Variants in ZC3H7A observed in about 807,000 individuals in gnomAD.
ZC3H7A encodes zinc finger CCCH-type containing 7A.
A neutral mutation model predicts 125.5 loss-of-function variants in ZC3H7A; 44 were observed. That is an observed-to-expected ratio of 0.35 (90% CI 0.28 to 0.45). The LOEUF is 0.45. ZC3H7A is among the 20% of genes least tolerant of loss of function. The pLI is 1.00. For synonymous variants in ZC3H7A, 399 were observed against 391.2 expected (o/e 1.02, Z -0.23); for missense variants, 977 against 1,170.7 (o/e 0.83, Z 2.41).
chr16:11,774,734 C>G (rs943232322), intron 8 of ZC3H7A, among the ~76,000 whole-genome samples: 2 of 152,142 alleles, frequency 1.3e-5, no homozygotes, highest in African/African-American at 2.4e-5. Context: ...TTGGGCACAG[C>G]TATCAGACAG....
chr16:11,769,525 T>C (rs2052932372), intron 10 of ZC3H7A, among the ~76,000 whole-genome samples: 2 of 151,314 alleles, frequency 1.3e-5, no homozygotes, highest in South Asian at 2.1e-4. Flanking sequence ...CTGGCCAACA[T>C]GGTGAAACCC....
intron 4 of ZC3H7A, among the ~76,000 whole-genome samples, chr16:11,778,104 G>C (rs761117358): frequency 2.9e-4 from 44 of 151,426 alleles, no homozygotes; most frequent in Non-Finnish European, 6.0e-4. Flanking sequence ...TGAAAATCTA[G>C]TGTGAATTCC....
At chr16:11,760,114 GAAAAAATGAAAAAAAA>G (rs1342073397) in intron 19 of ZC3H7A, among the ~76,000 whole-genome samples, 1 of 12,470 alleles carries the variant, frequency 8.0e-5, no homozygotes, top group Non-Finnish European at 1.5e-4. Flanking sequence ...GACAGAGCAA[GAAAAAATGAAAAAAAA>G]AAAAAAAAAA....
intron 1 of ZC3H7A, among the ~76,000 whole-genome samples, chr16:11,787,163 G>C (rs2053268796): frequency 6.6e-6 from 1 of 152,096 alleles, no homozygotes; most frequent in African/African-American, 2.4e-5. Context: ...TAAGCCAGGT[G>C]TGGTGGTACG....
rs1597536767 is a variant in ZC3H7A, at chr16:11,758,773, A to G, written c.2320-234T>C. On this transcript the variant is annotated intron_variant, in intron 19 of 22. Coordinates refer to ENST00000355758, the MANE Select transcript of ZC3H7A (RefSeq NM_014153.4). Reference sequence around the variant, plus strand: ...GAAAATGTCCAAAACAGAGTAAAGCATGGAACATTTTCTTACAAGAAAATG... The same window carrying G: ...GAAAATGTCCAAAACAGAGTAAAGCGTGGAACATTTTCTTACAAGAAAATG... 8.9e-6 allele frequency: 4 copies of G among 447,122 alleles called. No individual in the cohort carries two copies. In the East Asian group the frequency reaches 1.4e-4, roughly 16 times the overall value. 27.7% of individuals were successfully genotyped at this position (447,122 alleles called of 1,614,324 possible). A position where few individuals can be genotyped will look rare whatever the true frequency, so the allele number is the denominator to read the frequency against.
chr16:11,768,991 A>G (rs527279767), intron 11 of ZC3H7A, 40 bp downstream of exon 11: 2 of 1,560,654 alleles, frequency 1.3e-6, no homozygotes, highest in African/African-American at 1.4e-5. Context: ...ACTATTTTCA[A>G]TTCAAGCGAT....
Position 11,781,470 on chromosome 16 carries a change from A to G in ZC3H7A, c.69-6T>C, listed in dbSNP as rs1364118513. The G allele has an allele frequency of 3.1e-6, 5 of 1,602,588 alleles. No individual in the cohort carries two copies. The highest frequency in any genetic ancestry group is 2.6e-6 in the Non-Finnish European group (3 of 1,172,136). On this transcript the variant is annotated splice_polypyrimidine_tract_variant and splice_region_variant and intron_variant, in intron 2 of 22. Transcript: ENST00000355758. Reference sequence around the variant, plus strand: ...CTGGATATGACAGCGGTGACCTAAGAAGAAGAAACAAATTAACTGTAATTA... The same window carrying G: ...CTGGATATGACAGCGGTGACCTAAGGAGAAGAAACAAATTAACTGTAATTA...
chr16:11,788,552 C>CA (rs923923831), intron 1 of ZC3H7A, among the ~76,000 whole-genome samples: 154 of 151,024 alleles, frequency 1.0e-3, no homozygotes, highest in African/African-American at 3.6e-3. Flanking sequence ...CCTGGAGGGC[C>CA]ACCAACCACT....
At chr16:11,793,074 T>C (rs1465868267) in intron 1 of ZC3H7A, among the ~76,000 whole-genome samples, 2 of 152,096 alleles carry the variant, frequency 1.3e-5, no homozygotes, top group Non-Finnish European at 2.9e-5. Context: ...TTCAAGGGGA[T>C]CTGCTCCACC....
In ZC3H7A at chr16:11,752,438, C is replaced by G. The variant is rs190404599; in HGVS notation, c.2726+231G>C. 9.9e-4 allele frequency among the ~76,000 whole-genome samples: 151 copies of G among 152,268 alleles called. 1 individual carries two copies. The highest frequency in any genetic ancestry group is 9.7e-3 in the Admixed American group (148 of 15,288). ...TCTATTCAATTATCCTAAGACATTTCAAATTAGTATTGGAAGACTATTAAA... is the reference window on the plus strand; with the variant it reads ...TCTATTCAATTATCCTAAGACATTTGAAATTAGTATTGGAAGACTATTAAA... On this transcript the variant is annotated intron_variant, in intron 22 of 22. Transcript: ENST00000355758.
In ZC3H7A at chr16:11,751,496, C is replaced by T; in HGVS notation, c.2737G>A (p.Gly913Ser). 1.2e-6 allele frequency: 2 copies of T among 1,613,812 alleles called. No individual in the cohort carries two copies. The highest frequency in any genetic ancestry group is 1.1e-5 in the South Asian group (1 of 90,982). ...CAGCTGTTTCCTTCTGGGCAGGTGC[C>T]ATTCATATACCTGTAAGGAGAAGTC... ...YFSICDRYMN[G>S]TCPEGNSCKF... Residue 913 changes from glycine (G) to serine (S), a missense_variant, in exon 23 of 23, where the codon GGC (glycine) becomes AGC (serine). Transcript: ENST00000355758.
chr16:11,787,704 G>C (rs2053280177), intron 1 of ZC3H7A, among the ~76,000 whole-genome samples: 1 of 152,154 alleles, frequency 6.6e-6, no homozygotes, highest in Non-Finnish European at 1.5e-5. Context: ...CCAGCACTTT[G>C]GGAGGCCGAG....
chr16:11,767,343 C>T (rs201468422), intron 13 of ZC3H7A, 74 bp downstream of exon 13: 5 of 1,195,554 alleles, frequency 4.2e-6, no homozygotes, highest in Non-Finnish European at 4.6e-6. Flanking sequence ...ACAATGTATC[C>T]TGTCATTAAG....
chr16:11,763,241 G>C, intron 16 of ZC3H7A: 1 of 321,084 alleles, frequency 3.1e-6, no homozygotes, highest in Non-Finnish European at 5.7e-6. Flanking sequence ...CCAAGTAGCT[G>C]GTATTACAGG....
chr16:11,778,682 A>T (rs538384894), intron 4 of ZC3H7A, among the ~76,000 whole-genome samples: 22 of 152,054 alleles, frequency 1.4e-4, no homozygotes, highest in African/African-American at 5.3e-4. Context: ...TTAAATCCCT[A>T]ACCTTCTGTC....
chr16:11,763,718 T>TAC, intron 15 of ZC3H7A, 59 bp from the exon 16 acceptor site: 1 of 5,248 alleles, frequency 1.9e-4, no homozygotes, highest in Non-Finnish European at 3.1e-4. Context: ...CAAATATATA[T>TAC]ATATATATAT....
At chr16:11,774,169 G>A in intron 9 of ZC3H7A, 67 bp downstream of exon 9, 1 of 1,413,012 alleles carries the variant, frequency 7.1e-7, no homozygotes, top group African/African-American at 1.4e-5. Flanking sequence ...AGTCTATCAA[G>A]TTATATTACA....
chr16:11,763,031 C>CA (rs1412732493), intron 16 of ZC3H7A: 2 of 330,346 alleles, frequency 6.1e-6, no homozygotes, highest in African/African-American at 4.3e-5. Flanking sequence ...CTCTAAAAAT[C>CA]AAAAGTTTGA....
intron 1 of ZC3H7A, among the ~76,000 whole-genome samples, chr16:11,791,391 C>T (rs1360948948): frequency 2.0e-5 from 3 of 152,116 alleles, no homozygotes; most frequent in Non-Finnish European, 4.4e-5. Context: ...ACAGAGCTGC[C>T]TCCCTTTCAT....
Sources: gnomAD v4.1 joint callset for allele counts (sites outside exome capture counted in the v4.1 genomes callset) on GRCh38, gnomAD v4.1.1 for gene constraint, MANE v1.5 for transcripts, NCBI Gene and HGNC (gene_info 2026-07-23, HGNC 2026-07-21) for gene names.